The following TMEM131L variants were observed in gnomAD, a reference collection of about 807,000 sequenced individuals.
The protein encoded by TMEM131L is transmembrane 131 like.
In TMEM131L, 54 loss-of-function variants were observed where a neutral mutation model predicts 192.2. The observed-to-expected ratio is 0.28, with a 90% CI of 0.23 to 0.35. The LOEUF is 0.35. Ranked by LOEUF, TMEM131L falls within the 10% of genes least tolerant of loss-of-function variation. The pLI is 1.00. For missense variants in TMEM131L, 1,888 were observed against 1,972.9 expected (o/e 0.96, Z 0.82); for synonymous variants, 701 against 704.9 (o/e 0.99, Z 0.09).
chr4:153,482,356 G>A (rs1276791256), intron 3 of TMEM131L, among the ~76,000 whole-genome samples: 2 of 152,044 alleles, frequency 1.3e-5, no homozygotes, highest in Admixed American at 6.6e-5. Context: ...CATAATTTAG[G>A]TGTTCTCCTT....
intron 3 of TMEM131L, among the ~76,000 whole-genome samples, chr4:153,500,093 C>T (rs1733488762): frequency 6.6e-6 from 1 of 151,600 alleles, no homozygotes; most frequent in Non-Finnish European, 1.5e-5. Flanking sequence ...TCCCATCCCT[C>T]CCTCCCTTCT....
intron 33 of TMEM131L, 126 bp from the exon 34 acceptor site, chr4:153,635,306 G>A (rs1734492661): frequency 6.0e-6 from 5 of 835,540 alleles, no homozygotes; most frequent in Non-Finnish European, 9.6e-6. Flanking sequence ...TGGTCCACAC[G>A]GACCAAGTAT....
At chr4:153,533,921 A>G (rs1736112521) in intron 3 of TMEM131L, among the ~76,000 whole-genome samples, 1 of 152,228 alleles carries the variant, frequency 6.6e-6, no homozygotes, top group African/African-American at 2.4e-5. Flanking sequence ...AATATAACCA[A>G]CCTGACATTG....
At chr4:153,476,706 AAAAAC>A (rs1731566490) in intron 3 of TMEM131L, among the ~76,000 whole-genome samples, 1 of 152,178 alleles carries the variant, frequency 6.6e-6, no homozygotes, top group Non-Finnish European at 1.5e-5. Flanking sequence ...AAACAAAAAC[AAAAAC>A]AAAACAAAAC....
At chr4:153,506,752 A>T (rs1260752848) in intron 3 of TMEM131L, among the ~76,000 whole-genome samples, 3 of 150,746 alleles carry the variant, frequency 2.0e-5, no homozygotes, top group African/African-American at 4.9e-5. Flanking sequence ...CTGAGGCAGG[A>T]GAATCGCTTG....
chr4:153,513,031 A>G (rs1259970724), intron 3 of TMEM131L, among the ~76,000 whole-genome samples: 1 of 151,924 alleles, frequency 6.6e-6, no homozygotes, highest in Non-Finnish European at 1.5e-5. Context: ...TCTTTTATTA[A>G]TTTTCTTTTT....
chr4:153,631,899 T>A (rs1208427714), intron 31 of TMEM131L, among the ~76,000 whole-genome samples: 4 of 152,224 alleles, frequency 2.6e-5, no homozygotes, highest in Non-Finnish European at 5.9e-5. Flanking sequence ...TCAGGGCTTT[T>A]GTGGTACTGT....
intron 7 of TMEM131L, among the ~76,000 whole-genome samples, chr4:153,568,789 C>A (rs1729394939): frequency 6.6e-6 from 1 of 152,204 alleles, no homozygotes; most frequent in African/African-American, 2.4e-5. Context: ...ATAAATAACA[C>A]CTCTCTTCCT....
chr4:153,549,581 A>G (rs1468662953), intron 3 of TMEM131L, among the ~76,000 whole-genome samples: 1 of 152,240 alleles, frequency 6.6e-6, no homozygotes, highest in Non-Finnish European at 1.5e-5. Context: ...AATAACTGAA[A>G]TGTGACCTGC....
chr4:153,571,016 A>G (rs1578769274), intron 7 of TMEM131L, among the ~76,000 whole-genome samples: 1 of 151,788 alleles, frequency 6.6e-6, no homozygotes, highest in East Asian at 1.9e-4. Context: ...AAATTAGTAC[A>G]TTCCTTTAAT....
intron 3 of TMEM131L, among the ~76,000 whole-genome samples, chr4:153,523,681 A>G (rs981285795): frequency 6.6e-6 from 1 of 152,170 alleles, no homozygotes; most frequent in African/African-American, 2.4e-5. Context: ...CAAGTTTTAT[A>G]GTTGAATTTT....
At chr4:153,508,668 T>G (rs76756245) in intron 3 of TMEM131L, among the ~76,000 whole-genome samples, 2,881 of 151,098 alleles carry the variant, frequency 0.019, 54 homozygotes, top group South Asian at 0.067. Flanking sequence ...TGATTTAATG[T>G]TTTTTTTTAA....
chr4:153,508,279 A>G (rs1340109498), intron 3 of TMEM131L, among the ~76,000 whole-genome samples: 1 of 152,214 alleles, frequency 6.6e-6, no homozygotes, highest in Non-Finnish European at 1.5e-5. Flanking sequence ...CTGCATGCGT[A>G]TAATATTTTT....
At chr4:153,543,022 CTGT>C (rs1561175524) in intron 3 of TMEM131L, among the ~76,000 whole-genome samples, 1 of 152,246 alleles carries the variant, frequency 6.6e-6, no homozygotes, top group Non-Finnish European at 1.5e-5. Context: ...TCCCCAGGTG[CTGT>C]TATTAGCGAG....
intron 3 of TMEM131L, among the ~76,000 whole-genome samples, chr4:153,531,863 C>G (rs1411182877): frequency 6.6e-6 from 1 of 152,182 alleles, no homozygotes; most frequent in Non-Finnish European, 1.5e-5. Flanking sequence ...GGTGTAAGCA[C>G]TTGTTCTTCT....
intron 3 of TMEM131L, among the ~76,000 whole-genome samples, chr4:153,516,949 C>T (rs1203401446): frequency 6.6e-6 from 1 of 152,144 alleles, no homozygotes; most frequent in Admixed American, 6.5e-5. Flanking sequence ...GCCTCAGGCT[C>T]CTGAGTAGCT....
intron 3 of TMEM131L, among the ~76,000 whole-genome samples, chr4:153,507,782 C>T (rs552720671): frequency 6.6e-6 from 1 of 152,174 alleles, no homozygotes; most frequent in Non-Finnish European, 1.5e-5. Flanking sequence ...GAGGCAGCTT[C>T]CTCATCGTAA....
At chr4:153,605,486 G>C (rs928938913) in intron 25 of TMEM131L, among the ~76,000 whole-genome samples, 1 of 152,184 alleles carries the variant, frequency 6.6e-6, no homozygotes, top group African/African-American at 2.4e-5. Flanking sequence ...TCCCATCCCA[G>C]CCTCCTGAGT....
rs181927894 is a variant in TMEM131L, at chr4:153,550,464, C to T, written c.308+323C>T. Among the ~76,000 whole-genome samples the T allele has an allele frequency of 9.8e-3, 1,492 of 152,130 alleles. 66 individuals carry two copies. The highest frequency in any genetic ancestry group is 0.08 in the Admixed American group (1,224 of 15,272). On this transcript the variant is annotated intron_variant, in intron 4 of 34. Coordinates refer to ENST00000409959, the MANE Select transcript of TMEM131L (RefSeq NM_001131007.2). ...ACCTCAGCCTCCCGAGTAGCTGGGA[C>T]TACAGGCACCCGCCACCACGCCCGG...
Sources: allele counts gnomAD v4.1 joint callset (sites outside exome capture counted in the v4.1 genomes callset), GRCh38; gene constraint gnomAD v4.1.1; transcripts MANE v1.5; gene names NCBI Gene and HGNC (gene_info 2026-07-23, HGNC 2026-07-21).